The following ABCC6 variants were observed in gnomAD, a reference collection of about 807,000 sequenced individuals.
The protein encoded by ABCC6 is ATP-binding cassette sub-family C member 6.
ABCC6 carries 126 observed loss-of-function variants against 169.5 expected under a neutral mutation model. The observed-to-expected ratio is 0.74, with a 90% confidence interval of 0.64 to 0.86. The LOEUF (loss-of-function observed/expected upper bound fraction) is 0.86. Among genes scored for constraint, ABCC6 ranks in the 40% least tolerant of loss-of-function variants. ABCC6 has a pLI of 0.00. For missense variants in ABCC6, 1,733 were observed against 1,927.2 expected (o/e 0.90, Z 1.89); for synonymous variants, 752 against 814.7 (o/e 0.92, Z 1.31).
rs2046477275 is a variant in ABCC6, at chr16:16,154,527, T to C, written c.4208+101A>G. 7.0e-6 allele frequency: 10 copies of C among 1,428,158 alleles called. No homozygotes were observed. In the East Asian group the frequency reaches 2.4e-4, roughly 34 times the overall value. 88.5% of individuals were successfully genotyped at this position (1,428,158 alleles called of 1,614,324 possible). ...TGTGGTTATTAATGTAACAGAGTGA[T>C]AATCCTATCGGGGGAGGCATTTCCT... On this transcript the variant is annotated intron_variant, in intron 29 of 30. Coordinates refer to ENST00000205557, the MANE Select transcript of ABCC6 (RefSeq NM_001171.6).
chr16:16,194,043 C>A (rs1223284776), intron 10 of ABCC6, among the ~76,000 whole-genome samples: 1 of 152,194 alleles, frequency 6.6e-6, no homozygotes, highest in Non-Finnish European at 1.5e-5. Flanking sequence ...ATTGTGCACA[C>A]ACACGAGTGG....
intron 2 of ABCC6, among the ~76,000 whole-genome samples, chr16:16,220,617 C>T (rs1478373435): frequency 1.3e-5 from 2 of 152,062 alleles, no homozygotes; most frequent in East Asian, 1.9e-4. Context: ...CGCAGTCGGC[C>T]GGGGGTGGTG....
chr16:16,213,589 C>A lies in ABCC6; in HGVS notation c.600+735G>T, dbSNP rs4238627. Among the ~76,000 whole-genome samples, 900 of 137,208 alleles carry A rather than the reference C, an allele frequency of 6.6e-3. 7 individuals are homozygous for A. The highest frequency in any genetic ancestry group is 0.024 in the African/African-American group (862 of 36,364). 90.0% of individuals were successfully genotyped at this position (137,208 alleles called of 152,430 possible). On this transcript the variant is annotated intron_variant, in intron 5 of 30. Coordinates refer to ENST00000205557, the MANE Select transcript of ABCC6 (RefSeq NM_001171.6). ...TTTTTTTTTTTTTTTTGGTGGAGTT[C>A]CGCTCTTGTTGCCCAGGCTGGAGTG...
chr16:16,157,930 C>T (rs1469275551), intron 26 of ABCC6, 121 bp from the exon 27 acceptor site: 1 of 1,136,186 alleles, frequency 8.8e-7, no homozygotes, highest in African/African-American at 1.6e-5. Flanking sequence ...TGCTGTTTTA[C>T]AGGGTTGTTA....
intron 18 of ABCC6, among the ~76,000 whole-genome samples, chr16:16,177,960 GAGAAGAAAAGAA>G (rs552942452): frequency 1.3e-5 from 2 of 148,220 alleles, no homozygotes; most frequent in African/African-American, 2.5e-5. Context: ...AAGAAAGAAA[GAGAAGAAAAGAA>G]AGAAGAAAAG....
chr16:16,169,690 G>A lies in ABCC6; in HGVS notation c.2951C>T (p.Ala984Val). The change falls in exon 22 of 31, where the codon GCA becomes GTA. Residue 984 changes from alanine (A) to valine (V), a missense_variant. Ala to Val is a moderately conservative substitution (Grantham distance 64, BLOSUM62 0). This residue lies in a region of ABCC6 where 1,601 missense variants were observed against 1,635.5 expected (regional missense o/e 0.98). Transcript: ENST00000205557. ...DPAVGGQQTQ[A>V]ALRGGIFGLL... The stretch of plus-strand genomic sequence containing the variant: ...CCCGAAGATCCCGCCACGCAGGGCT[G>A]CCTGCGTCTGCTGCCCACCTACTGC... 2 of 1,611,382 alleles carry A rather than the reference G, an allele frequency of 1.2e-6. No homozygotes were observed. The highest frequency in any genetic ancestry group is 1.7e-6 in the Non-Finnish European group (2 of 1,179,662).
intron 27 of ABCC6, 130 bp from the exon 28 acceptor site, chr16:16,155,161 T>C (rs1229594336): frequency 7.4e-6 from 8 of 1,087,910 alleles, no homozygotes; most frequent in Non-Finnish European, 9.2e-6. Flanking sequence ...CTTCCATCTC[T>C]CTTTCCATCT....
In ABCC6 at chr16:16,208,759, C is replaced by G. The variant is rs1467289991; in HGVS notation, c.763G>C (p.Glu255Gln). The G allele has an allele frequency of 1.9e-6, 3 of 1,613,670 alleles. No homozygotes were observed. The highest frequency in any genetic ancestry group is 2.2e-5 in the East Asian group (1 of 44,858). ...GCTGCACTGCGGTTCCTCATCCACT[C>G]CTTTTCAAGCCGGGAAACAAGTTCT... is the stretch of plus-strand genomic sequence containing the variant. ...SEELVSRLEK[E>Q]WMRNRSAARR... Residue 255 changes from glutamate to glutamine, a missense_variant, in exon 7 of 31, where the codon GAG becomes CAG. By Grantham distance (29) the Glu-to-Gln change is conservative. Coordinates refer to ENST00000205557, the MANE Select transcript of ABCC6 (RefSeq NM_001171.6).
intron 7 of ABCC6, among the ~76,000 whole-genome samples, chr16:16,206,065 A>G (rs2048382239): frequency 6.6e-6 from 1 of 152,146 alleles, no homozygotes; most frequent in Admixed American, 6.5e-5. Flanking sequence ...AGTTCACTGG[A>G]AAGTTTTCTT....
chr16:16,160,179 A>G (rs1258056763), intron 25 of ABCC6, among the ~76,000 whole-genome samples: 1 of 151,796 alleles, frequency 6.6e-6, no homozygotes, highest in African/African-American at 2.4e-5. Flanking sequence ...CTCCTAAGTC[A>G]CCTCCTCAGA....
chr16:16,177,684 T>G, intron 18 of ABCC6, 58 bp from the exon 19 acceptor site: 1 of 1,599,480 alleles, frequency 6.3e-7, no homozygotes, highest in Non-Finnish European at 8.6e-7. Flanking sequence ...GGCTCATGCC[T>G]GTAATCCCAA....
intron 4 of ABCC6, among the ~76,000 whole-genome samples, chr16:16,217,870 A>C (rs896552481): frequency 2.0e-5 from 3 of 152,226 alleles, no homozygotes; most frequent in Admixed American, 6.5e-5. Flanking sequence ...CGGGTGAGTC[A>C]CTTGAGGTCA....
intron 7 of ABCC6, 34 bp from the exon 8 acceptor site, chr16:16,203,647 A>G (rs751350485): frequency 6.8e-6 from 11 of 1,612,104 alleles, no homozygotes; most frequent in Admixed American, 1.7e-5. Flanking sequence ...TCTGGGTCCC[A>G]TTTTATACTC....
chr16:16,165,990 CG>C, intron 22 of ABCC6, 57 bp from the exon 23 acceptor site: 1 of 1,556,840 alleles, frequency 6.4e-7, no homozygotes, highest in Non-Finnish European at 8.8e-7. Flanking sequence ...GAGCGGCCCA[CG>C]GGGCCCTGCG....
Position 16,177,378 on chromosome 16 carries a change from T to G in ABCC6, c.2590+74A>C, listed in dbSNP as rs967506873. On this transcript the variant is annotated intron_variant, in intron 19 of 30. Transcript: ENST00000205557. ...GGCCAGAGCACTCCATTCATGCCAG[T>G]AGGACCCTTCGAGCCTTTTCCCCCA... The G allele has an allele frequency of 5.1e-6, 8 of 1,567,306 alleles. 1 individual carries two copies. The African/African-American group carries it at 5.4e-5, about 11-fold the overall frequency.
intron 11 of ABCC6, among the ~76,000 whole-genome samples, chr16:16,190,934 A>C (rs994193203): frequency 2.5e-4 from 1 of 3,972 alleles, no homozygotes; most frequent in African/African-American, 1.0e-3. Context: ...GCTGGGGGGT[A>C]GGGGGGTGGC....
chr16:16,158,814 T>C (rs1358932163), intron 26 of ABCC6, among the ~76,000 whole-genome samples: 3 of 152,238 alleles, frequency 2.0e-5, no homozygotes, highest in Non-Finnish European at 4.4e-5. Flanking sequence ...GTTGCTGTTT[T>C]GTTACTGTTA....
chr16:16,177,024 G>T (rs927497898), intron 19 of ABCC6, among the ~76,000 whole-genome samples: 3 of 152,184 alleles, frequency 2.0e-5, no homozygotes, highest in African/African-American at 7.2e-5. Context: ...CTAGCATGGT[G>T]TAGCTTGCTA....
At position 16,221,700 on chromosome 16, in the gene ABCC6, G is replaced by A; in HGVS notation, c.168C>T (p.His56=). Residue 56 remains histidine (H), a synonymous_variant, in exon 2 of 31, where the codon CAC becomes CAT. Transcript: ENST00000205557. ...TCCGGAGGTAGCCCCGGCCATGGTGGTGGATGAAGAGGAGGTAGATGGGAC... is the reference window on the plus strand; with the variant it reads ...TCCGGAGGTAGCCCCGGCCATGGTGATGGATGAAGAGGAGGTAGATGGGAC... ...VLGPIYLLFI[H]HHGRGYLRMS... 6.2e-7 allele frequency: 1 copy of A among 1,613,930 alleles called. No homozygotes were observed. Among genetic ancestry groups the A allele is most frequent in the Non-Finnish European group, 8.5e-7 (1 of 1,179,856 alleles).
Sources: gnomAD v4.1 joint callset for allele counts (sites outside exome capture counted in the v4.1 genomes callset) on GRCh38, gnomAD v4.1.1 for gene constraint, gnomAD v4.1.1 regional missense constraint, MANE v1.5 for transcripts, NCBI Gene and HGNC (gene_info 2026-07-23, HGNC 2026-07-21) for gene names.